ULK4: variants seen among roughly 807,000 people sequenced by gnomAD.
ULK4 encodes inactive serine/threonine-protein kinase ULK4.
ULK4 carries 133 observed loss-of-function variants against 160.6 expected under a neutral mutation model. That is an observed-to-expected ratio of 0.83 (90% confidence interval 0.72 to 0.96). The LOEUF (loss-of-function observed/expected upper bound fraction) is 0.96. ULK4 is among the 40% of genes least tolerant of loss of function. ULK4 has a pLI of 0.00. For synonymous variants in ULK4, 534 were observed against 539.8 expected, an observed-to-expected ratio of 0.99 and a Z score of 0.15; for missense variants, 1,580 against 1,499.5, an observed-to-expected ratio of 1.05 and a Z score of -0.89.
chr3:41,546,557 T>A lies in ULK4; in HGVS notation c.3226+19468A>T, dbSNP rs555400857. On this transcript the variant is annotated intron_variant, in intron 32 of 36. Transcript: ENST00000301831. The stretch of plus-strand genomic sequence containing the variant: ...TCTGTGAGGCCTAACGTAATCTTGC[T>A]CTGTGAAAGTATAGCCCAGCCTTCA... Among the ~76,000 whole-genome samples the A allele has an allele frequency of 5.3e-5, 8 of 152,186 alleles. No homozygotes were observed. The South Asian group carries it at 1.7e-3, about 32-fold the overall frequency.
At chr3:41,849,216 T>C (rs562344999) in intron 17 of ULK4, among the ~76,000 whole-genome samples, 1 of 152,164 alleles carries the variant, frequency 6.6e-6, no homozygotes, top group East Asian at 1.9e-4. Flanking sequence ...TTCAAAAACA[T>C]CACTCTAGCT....
intron 12 of ULK4, among the ~76,000 whole-genome samples, chr3:41,901,353 T>G (rs904800818): frequency 6.6e-6 from 1 of 151,508 alleles, no homozygotes; most frequent in Non-Finnish European, 1.5e-5. Context: ...CTAATTTTTT[T>G]GTATTTTTAG....
intron 34 of ULK4, among the ~76,000 whole-genome samples, chr3:41,426,898 A>G (rs1444448342): frequency 6.6e-6 from 1 of 152,188 alleles, no homozygotes; most frequent in Non-Finnish European, 1.5e-5. Context: ...CTCACGGAAG[A>G]CAAGAAATAA....
chr3:41,508,153 A>G (rs1234839477), intron 32 of ULK4, among the ~76,000 whole-genome samples: 2 of 152,158 alleles, frequency 1.3e-5, no homozygotes, highest in Non-Finnish European at 2.9e-5. Context: ...GGTGAGGCCT[A>G]TGACTGCCAG....
At chr3:41,501,272 C>T (rs1022302347) in intron 32 of ULK4, among the ~76,000 whole-genome samples, 1 of 152,096 alleles carries the variant, frequency 6.6e-6, no homozygotes, top group Non-Finnish European at 1.5e-5. Flanking sequence ...CCGAGACGGG[C>T]GGATCACGAG....
intron 25 of ULK4, among the ~76,000 whole-genome samples, chr3:41,710,239 TC>T (rs1350060172): frequency 6.6e-6 from 1 of 152,210 alleles, no homozygotes; most frequent in Non-Finnish European, 1.5e-5. Flanking sequence ...CACAAATTTT[TC>T]ATTCATTTAC....
intron 35 of ULK4, among the ~76,000 whole-genome samples, chr3:41,322,851 T>G (rs536328471): frequency 6.6e-5 from 10 of 152,346 alleles, no homozygotes; most frequent in Admixed American, 1.3e-4. Context: ...CAAGGCATAT[T>G]GTAGAAGGTT....
At chr3:41,891,499 AG>A (rs1189203880) in intron 16 of ULK4, among the ~76,000 whole-genome samples, 2 of 151,788 alleles carry the variant, frequency 1.3e-5, no homozygotes, top group South Asian at 2.1e-4. Flanking sequence ...AAAAAAAAAA[AG>A]GTAAGGTTTA....
At chr3:41,363,875 G>A (rs2081197598) in intron 35 of ULK4, among the ~76,000 whole-genome samples, 1 of 151,918 alleles carries the variant, frequency 6.6e-6, no homozygotes, top group Admixed American at 6.6e-5. Context: ...GATGTTAAGG[G>A]ATGTGTCCAA....
chr3:41,318,051 G>A (rs1351349062), intron 35 of ULK4, among the ~76,000 whole-genome samples: 1 of 151,924 alleles, frequency 6.6e-6, no homozygotes, highest in Admixed American at 6.6e-5. Context: ...AGAGGTTAAG[G>A]TAAATTATTA....
intron 27 of ULK4, among the ~76,000 whole-genome samples, chr3:41,695,204 C>A (rs535218784): frequency 6.6e-5 from 10 of 152,308 alleles, no homozygotes; most frequent in African/African-American, 2.4e-4. Context: ...CTGAAGTCCC[C>A]ACCTCTTAAT....
chr3:41,939,362 G>C (rs1265417600), intron 2 of ULK4, among the ~76,000 whole-genome samples: 1 of 152,062 alleles, frequency 6.6e-6, no homozygotes, highest in Admixed American at 6.6e-5. Flanking sequence ...GTTTCATCAT[G>C]TTGGCCAGGC....
intron 35 of ULK4, among the ~76,000 whole-genome samples, chr3:41,320,871 C>T (rs1388197566): frequency 2.0e-5 from 3 of 152,094 alleles, no homozygotes; most frequent in Admixed American, 1.3e-4. Context: ...GAGCCAAGAT[C>T]GCGCCACTGC....
chr3:41,370,139 A>T (rs62259271), intron 35 of ULK4, among the ~76,000 whole-genome samples: 32,927 of 152,070 alleles, frequency 0.22, 3,714 homozygotes, highest in Middle Eastern at 0.31. Flanking sequence ...ACCATTACAC[A>T]AAAGATCCAT....
chr3:41,246,860 G>A lies in ULK4; in HGVS notation c.*69C>T, dbSNP rs1297047474. On this transcript the variant is annotated 3_prime_UTR_variant, in exon 37 of 37. Transcript: ENST00000301831. The stretch of plus-strand genomic sequence containing the variant: ...TGAGGGGATGTGGCAAAGGTGTCTG[G>A]GAGCTGACCTTGCTTATGCATCCGA... 1 of 1,560,606 alleles carries A rather than the reference G, an allele frequency of 6.4e-7. No individual in the cohort carries two copies. The highest frequency in any genetic ancestry group is 8.8e-7 in the Non-Finnish European group (1 of 1,142,638).
At chr3:41,904,471 T>C (rs1171208679) in intron 12 of ULK4, among the ~76,000 whole-genome samples, 2 of 152,196 alleles carry the variant, frequency 1.3e-5, no homozygotes, top group East Asian at 1.9e-4. Context: ...GATAGATATG[T>C]AAAATAAACT....
At chr3:41,686,039 G>A (rs929323515) in intron 27 of ULK4, among the ~76,000 whole-genome samples, 1 of 152,152 alleles carries the variant, frequency 6.6e-6, no homozygotes, top group Non-Finnish European at 1.5e-5. Flanking sequence ...ATGTGTATGT[G>A]TATATGTATA....
chr3:41,478,436 GC>G (rs1344032821), intron 32 of ULK4, among the ~76,000 whole-genome samples: 1 of 152,140 alleles, frequency 6.6e-6, no homozygotes, highest in Non-Finnish European at 1.5e-5. Flanking sequence ...TCTTAAACCA[GC>G]CCAGCTCCCT....
At chr3:41,459,659 T>G (rs1049921179) in intron 33 of ULK4, among the ~76,000 whole-genome samples, 1 of 152,314 alleles carries the variant, frequency 6.6e-6, no homozygotes, top group East Asian at 1.9e-4. Context: ...AATGTCACAA[T>G]TGACTTCATC....
Sources: gnomAD v4.1 joint callset for allele counts (sites outside exome capture counted in the v4.1 genomes callset) on GRCh38, gnomAD v4.1.1 for gene constraint, MANE v1.5 for transcripts, NCBI Gene and HGNC (gene_info 2026-07-23, HGNC 2026-07-21) for gene names.